Variants in CHRNA7 observed in about 807,000 individuals in gnomAD.
CHRNA7 encodes the protein neuronal acetylcholine receptor subunit alpha-7.
Under a neutral mutation model 48.0 loss-of-function variants are expected in CHRNA7, and 17 were observed. The ratio of observed to expected loss-of-function variants is 0.35; its 90% CI spans 0.24 to 0.53. The LOEUF is 0.53. CHRNA7 is among the 20% of genes least tolerant of loss of function. The pLI is 0.92. For missense variants in CHRNA7, 155 were observed against 577.7 expected, an observed-to-expected ratio of 0.27 and a Z score of 7.50; for synonymous variants, 75 against 242.3, an observed-to-expected ratio of 0.31 and a Z score of 6.41.
chr15:32,068,865 G>A (rs371614414), intron 2 of CHRNA7, among the ~76,000 whole-genome samples: 2 of 152,048 alleles, frequency 1.3e-5, no homozygotes, highest in Non-Finnish European at 2.9e-5. Context: ...GAAGCAAAAA[G>A]AGACAGAATT....
intron 9 of CHRNA7, chr15:32,165,948 G>C (rs1176814631): frequency 6.6e-6 from 1 of 151,336 alleles, no homozygotes; most frequent in African/African-American, 2.4e-5. Context: ...GGAGGGAGAA[G>C]TGCCTGGTGC....
chr15:32,120,585 A>G (rs1001744273), intron 4 of CHRNA7, among the ~76,000 whole-genome samples: 2 of 151,960 alleles, frequency 1.3e-5, no homozygotes, highest in African/African-American at 2.4e-5. Context: ...GAATGACAGA[A>G]CCCAACTGCT....
At chr15:32,114,061 C>CACACACAT (rs1555383701) in intron 4 of CHRNA7, among the ~76,000 whole-genome samples, 1 of 120,226 alleles carries the variant, frequency 8.3e-6, no homozygotes, top group Non-Finnish European at 1.7e-5. Context: ...TATATATATA[C>CACACACAT]ATATATATAT....
At chr15:32,134,144 A>G (rs1351566386) in intron 4 of CHRNA7, among the ~76,000 whole-genome samples, 1 of 150,024 alleles carries the variant, frequency 6.7e-6, no homozygotes, top group Non-Finnish European at 1.5e-5. Flanking sequence ...CTGTGACTAC[A>G]TGTGGGTTTT....
chr15:32,035,329 A>C (rs928374081), intron 2 of CHRNA7, among the ~76,000 whole-genome samples: 6 of 152,230 alleles, frequency 3.9e-5, no homozygotes, highest in African/African-American at 1.4e-4. Context: ...AGTGATTTGC[A>C]TAAAATAAAT....
intron 2 of CHRNA7, chr15:32,099,974 C>T (rs2050542833): frequency 1.3e-5 from 2 of 152,206 alleles, no homozygotes; most frequent in Admixed American, 6.5e-5. Flanking sequence ...ATGTCCCTCC[C>T]CAGGCAGCCC....
At chr15:32,049,774 G>T (rs923612969) in intron 2 of CHRNA7, among the ~76,000 whole-genome samples, 1 of 152,192 alleles carries the variant, frequency 6.6e-6, no homozygotes, top group African/African-American at 2.4e-5. Flanking sequence ...TGATTTTGCA[G>T]CAGCTAGTAC....
chr15:32,046,709 A>G (rs2049554672), intron 2 of CHRNA7, among the ~76,000 whole-genome samples: 1 of 151,882 alleles, frequency 6.6e-6, no homozygotes, highest in Non-Finnish European at 1.5e-5. Flanking sequence ...TTTTGTTGCC[A>G]TTGCTTTTGG....
chr15:32,068,902 A>C (rs1387962221), intron 2 of CHRNA7, among the ~76,000 whole-genome samples: 1 of 152,208 alleles, frequency 6.6e-6, no homozygotes, highest in Non-Finnish European at 1.5e-5. Flanking sequence ...CAATTCAACA[A>C]AAATAGTTGA....
chr15:32,046,776 T>A (rs1263182367), intron 2 of CHRNA7, among the ~76,000 whole-genome samples: 3 of 152,014 alleles, frequency 2.0e-5, no homozygotes, highest in Admixed American at 6.6e-5. Flanking sequence ...ATGCCTAGGT[T>A]TTCTTCTAGG....
At position 32,114,483 on chromosome 15, in the gene CHRNA7, C is replaced by T. The variant is rs75525325; in HGVS notation, c.350+2584C>T. ...GCTCTACTGAAGGATCCTGCTCGTT[C>T]CTCTTTCCCATGGTGGACATAGACC... On this transcript the variant is annotated intron_variant, in intron 4 of 9. Transcript: ENST00000306901. 7.4e-3 allele frequency among the ~76,000 whole-genome samples: 1,123 copies of T among 152,266 alleles called. 14 individuals are homozygous for T. The highest frequency in any genetic ancestry group is 0.025 in the African/African-American group (1,039 of 41,544).
intron 2 of CHRNA7, among the ~76,000 whole-genome samples, chr15:32,067,304 G>A (rs181251425): frequency 5.0e-4 from 76 of 152,312 alleles, no homozygotes; most frequent in Admixed American, 4.1e-3. Flanking sequence ...ATGCAAAGTA[G>A]CCTTAATCAG....
intron 9 of CHRNA7, among the ~76,000 whole-genome samples, chr15:32,167,128 G>GGAA (rs2052208308): frequency 6.9e-6 from 1 of 145,922 alleles, no homozygotes. Context: ...AAACTGCCTT[G>GGAA]GTTCACAGCA....
At chr15:32,074,081 AAATGTT>A in intron 2 of CHRNA7, among the ~76,000 whole-genome samples, 1 of 151,230 alleles carries the variant, frequency 6.6e-6, no homozygotes, top group Non-Finnish European at 1.5e-5. Context: ...TAAAAATTGT[AAATGTT>A]AATGTATATT....
At chr15:32,071,131 C>T (rs932043917) in intron 2 of CHRNA7, among the ~76,000 whole-genome samples, 26 of 152,250 alleles carry the variant, frequency 1.7e-4, no homozygotes, top group Admixed American at 1.6e-3. Context: ...AGTCTTTATT[C>T]TGTTTCATTT....
chr15:32,130,545 T>TTA (rs548879077), intron 4 of CHRNA7, among the ~76,000 whole-genome samples: 1,708 of 149,944 alleles, frequency 0.011, 19 homozygotes, highest in Non-Finnish European at 0.018. Flanking sequence ...TATATATATA[T>TTA]TATATATATA....
At chr15:32,128,051 G>A (rs1220237345) in intron 4 of CHRNA7, among the ~76,000 whole-genome samples, 1 of 151,926 alleles carries the variant, frequency 6.6e-6, no homozygotes, top group African/African-American at 2.4e-5. Flanking sequence ...GTTATTCCAG[G>A]TCCACTCATT....
intron 2 of CHRNA7, among the ~76,000 whole-genome samples, chr15:32,096,592 G>C: frequency 6.6e-6 from 1 of 151,450 alleles, no homozygotes; most frequent in Non-Finnish European, 1.5e-5. Flanking sequence ...GTGGTGGTTA[G>C]GTCTATTGTT....
chr15:32,101,646 G>A (rs2050575623), intron 3 of CHRNA7: 2 of 304,432 alleles, frequency 6.6e-6, no homozygotes, highest in African/African-American at 2.2e-5. Flanking sequence ...GTGTGTAGAT[G>A]TCCACAACCT....
Sources: allele counts gnomAD v4.1 joint callset (sites outside exome capture counted in the v4.1 genomes callset), GRCh38; gene constraint gnomAD v4.1.1; transcripts MANE v1.5; gene names NCBI Gene and HGNC (gene_info 2026-07-23, HGNC 2026-07-21).